The following P2RY8 variants were observed in gnomAD, a reference collection of about 807,000 sequenced individuals.
The protein encoded by P2RY8 is P2Y receptor family member 8.
P2RY8 carries 6 observed loss-of-function variants against 10.0 expected under a neutral mutation model. That is an observed-to-expected ratio of 0.60 (90% CI 0.33 to 1.19). P2RY8 has a LOEUF of 1.19. P2RY8 is among the 50% of genes most tolerant of loss of function. The pLI is 0.04. For missense variants in P2RY8, 456 were observed against 542.0 expected, an observed-to-expected ratio of 0.84 and a Z score of 1.58; for synonymous variants, 276 against 252.5, an observed-to-expected ratio of 1.09 and a Z score of -0.88.
At position 1,466,100 on chromosome X, in the gene P2RY8, G is replaced by C. The variant is rs375271900; in HGVS notation, c.459C>G (p.Thr153=). 12 of 1,611,472 alleles carry C rather than the reference G, an allele frequency of 7.4e-6. No individual in the cohort carries two copies. The African/African-American group carries it at 1.3e-4, about 18-fold the overall frequency. The change falls in exon 2 of 2, where the codon ACC becomes ACG. Residue 153 remains threonine, a synonymous_variant. Transcript: ENST00000381297. ...ACAGTWLLLL[T]ALSPLARTDL... ...CGGTGCGCGCCAGCGGGGACAGGGC[G>C]GTCAGGAGCAGCAGCCAGGTCCCTG...
intron 1 of P2RY8, among the ~76,000 whole-genome samples, chrX:1,518,420 CGT>C (rs1418182956): frequency 2.4e-4 from 17 of 70,616 alleles, no homozygotes; most frequent in African/African-American, 9.0e-4. Flanking sequence ...AGCGAGACTC[CGT>C]CTCAAAAAAA....
intron 1 of P2RY8, among the ~76,000 whole-genome samples, chrX:1,493,428 G>GA (rs2092082184): frequency 1.9e-5 from 1 of 52,522 alleles, no homozygotes; most frequent in Non-Finnish European, 4.2e-5. Context: ...GAGGAAGGAG[G>GA]AGGGAGGGAA....
At chrX:1,533,500 T>C (rs2092496103) in intron 1 of P2RY8, among the ~76,000 whole-genome samples, 1 of 140,512 alleles carries the variant, frequency 7.1e-6, no homozygotes, top group African/African-American at 2.6e-5. Flanking sequence ...CTTATATATT[T>C]ATTATTTAAA....
intron 1 of P2RY8, among the ~76,000 whole-genome samples, chrX:1,533,372 A>G (rs2092494420): frequency 6.8e-6 from 1 of 146,824 alleles, no homozygotes; most frequent in African/African-American, 2.5e-5. Context: ...ATATTTACAT[A>G]TTTATTATTT....
chrX:1,468,561 C>T (rs748726749), intron 1 of P2RY8, among the ~76,000 whole-genome samples: 2 of 152,194 alleles, frequency 1.3e-5, no homozygotes, highest in South Asian at 2.1e-4. Context: ...TGGGCCCCGC[C>T]GGGGCTCAGC....
rs1314852643 is a variant in P2RY8, at chrX:1,464,376, G to A, written c.*1103C>T. On this transcript the variant is annotated 3_prime_UTR_variant, in exon 2 of 2. Coordinates refer to ENST00000381297, the MANE Select transcript of P2RY8 (RefSeq NM_178129.5). ...CCACACAGCAGGGAGGGGGCTCAGC[G>A]GCTGACACCCCTGTAGGTTCCTGGG... is the stretch of plus-strand genomic sequence containing the variant. The A allele has an allele frequency of 3.0e-5, 7 of 233,630 alleles. No homozygotes were observed. The East Asian group carries it at 3.6e-4, about 12-fold the overall frequency. The allele number at this position is 233,630 out of a possible 1,614,324, so 14.5% of individuals were successfully genotyped here. A position where few individuals can be genotyped will look rare whatever the true frequency, so the allele number is the denominator to read the frequency against.
chrX:1,515,031 G>T (rs2092335039), intron 1 of P2RY8, among the ~76,000 whole-genome samples: 1 of 149,550 alleles, frequency 6.7e-6, no homozygotes, highest in African/African-American at 2.5e-5. Flanking sequence ...AGCCTCCCGA[G>T]TAGAGTAGCT....
At chrX:1,493,614 A>C (rs1351175920) in intron 1 of P2RY8, among the ~76,000 whole-genome samples, 4 of 152,176 alleles carry the variant, frequency 2.6e-5, no homozygotes, top group Non-Finnish European at 5.9e-5. Flanking sequence ...GCAAAATAAA[A>C]GCCAAAGACA....
chrX:1,470,582 C>A (rs2091771854), intron 1 of P2RY8, among the ~76,000 whole-genome samples: 1 of 152,040 alleles, frequency 6.6e-6, no homozygotes, highest in Admixed American at 6.6e-5. Context: ...CTGTCCCCAG[C>A]CCCTGTGAAC....
intron 1 of P2RY8, among the ~76,000 whole-genome samples, chrX:1,492,781 G>A (rs187434911): frequency 6.6e-5 from 10 of 152,158 alleles, no homozygotes; most frequent in African/African-American, 2.4e-4. Flanking sequence ...GAGGGCCCAC[G>A]GAGCCCAGGC....
intron 1 of P2RY8, among the ~76,000 whole-genome samples, chrX:1,509,892 A>G (rs779653130): frequency 6.6e-6 from 1 of 150,844 alleles, no homozygotes; most frequent in East Asian, 2.0e-4. Flanking sequence ...CTATCTATCT[A>G]TGTATGTATC....
At chrX:1,507,828 C>G (rs1341323913) in intron 1 of P2RY8, among the ~76,000 whole-genome samples, 3 of 152,142 alleles carry the variant, frequency 2.0e-5, no homozygotes, top group Non-Finnish European at 4.4e-5. Context: ...TTGAGGTTAG[C>G]TATTAGGTCA....
chrX:1,475,267 A>G (rs1223885553), intron 1 of P2RY8, among the ~76,000 whole-genome samples: 1 of 142,374 alleles, frequency 7.0e-6, no homozygotes, highest in African/African-American at 2.6e-5. Context: ...GGGTGGATGG[A>G]TGGATGAGTG....
At chrX:1,505,301 T>A (rs375750743) in intron 1 of P2RY8, among the ~76,000 whole-genome samples, 27 of 152,318 alleles carry the variant, frequency 1.8e-4, no homozygotes, top group African/African-American at 1.7e-4. Flanking sequence ...GATCTTTATC[T>A]TTCTGAGAAG....
intron 1 of P2RY8, among the ~76,000 whole-genome samples, chrX:1,494,885 GTA>G (rs2092101565): frequency 1.3e-5 from 1 of 74,670 alleles, no homozygotes; most frequent in Non-Finnish European, 3.1e-5. Flanking sequence ...TTTTTTTTTT[GTA>G]TTTTTTTTTT....
chrX:1,511,976 G>A (rs1214325501), intron 1 of P2RY8, among the ~76,000 whole-genome samples: 1 of 152,078 alleles, frequency 6.6e-6, no homozygotes, highest in African/African-American at 2.4e-5. Context: ...CGGTGATATG[G>A]GGGCCCACCT....
At chrX:1,524,657 CCATCCATCCATT>C (rs2092423676) in intron 1 of P2RY8, among the ~76,000 whole-genome samples, 4 of 90,496 alleles carry the variant, frequency 4.4e-5, no homozygotes, top group African/African-American at 1.2e-4. Flanking sequence ...ATCCATCCAT[CCATCCATCCATT>C]CATCCATCCA....
chrX:1,496,845 C>G (rs1313220842), intron 1 of P2RY8, among the ~76,000 whole-genome samples: 3 of 148,868 alleles, frequency 2.0e-5, no homozygotes, highest in African/African-American at 5.0e-5. Flanking sequence ...TGACAGGCAC[C>G]CACCGCACCT....
intron 1 of P2RY8, among the ~76,000 whole-genome samples, chrX:1,496,853 C>T (rs1216741101): frequency 2.4e-5 from 1 of 41,942 alleles, no homozygotes. Flanking sequence ...ACCCACCGCA[C>T]CTGGCCAAGT....
Sources: gnomAD v4.1 joint callset for allele counts (sites outside exome capture counted in the v4.1 genomes callset) on GRCh38, gnomAD v4.1.1 for gene constraint, MANE v1.5 for transcripts, NCBI Gene and HGNC (gene_info 2026-07-23, HGNC 2026-07-21) for gene names.